Variants in KCNQ2 observed in about 807,000 individuals in gnomAD.
KCNQ2 encodes potassium voltage-gated channel subfamily KQT member 2.
Under a neutral mutation model 84.8 loss-of-function variants are expected in KCNQ2, and 14 were observed. The ratio of observed to expected loss-of-function variants is 0.17; its 90% CI spans 0.11 to 0.26. The LOEUF is 0.26. Ranked by LOEUF, KCNQ2 falls within the 10% of genes least tolerant of loss-of-function variation. The pLI is 1.00. For synonymous variants in KCNQ2, 599 were observed against 554.1 expected (o/e 1.08, Z -1.14); for missense variants, 788 against 1,254.0 (o/e 0.63, Z 5.61).
Position 63,414,780 on chromosome 20 carries a change from TA to T in KCNQ2, c.1525+122del, listed in dbSNP as rs1156722134. On this transcript the variant is annotated intron_variant, in intron 13 of 16. Transcript: ENST00000359125. This position sits in a 1 kb window ranked among gnomAD's most constrained non-coding sequence, Gnocchi z 6.6. The stretch of plus-strand genomic sequence containing the variant: ...AGTCTCACCTCAATTTTAGAAAGGA[TA>T]GGGGGTTCCCACTCCAAGAGCAAGC... 7 of 899,146 alleles carry T rather than the reference TA, an allele frequency of 7.8e-6. No homozygotes were observed. Among genetic ancestry groups the T allele is most frequent in the Non-Finnish European group, 1.3e-5 (7 of 543,298 alleles). The allele number at this position is 899,146 out of a possible 1,614,324, so 55.7% of individuals were successfully genotyped here. A position where few individuals can be genotyped will look rare whatever the true frequency, so the allele number is the denominator to read the frequency against.
rs774512947 is a variant in KCNQ2 at position 63,419,663 on chromosome 20, G to A, written c.1257C>T (p.Ser419=). 3.1e-6 allele frequency: 5 copies of A among 1,610,924 alleles called. No homozygotes were observed. The East Asian group carries it at 6.7e-5, about 22-fold the overall frequency. ...PPPEPSPSKG[S]PCRGPLCGCC... ...ATCCACACAGGGGCCCTCTGCACGG[G>A]CTGCCTTTACTGGAAATGAGGAGAG... Residue 419 remains serine, a synonymous_variant, in exon 12 of 17, where the codon AGC becomes AGT. Coordinates refer to ENST00000359125, the MANE Select transcript of KCNQ2 (RefSeq NM_172107.4).
At chr20:63,413,016 T>G (rs3787131) in intron 15 of KCNQ2, among the ~76,000 whole-genome samples, 50,776 of 151,900 alleles carry the variant, frequency 0.33, 9,480 homozygotes, top group Non-Finnish European at 0.44. Flanking sequence ...CAGCTTCATG[T>G]CTGAACAGAA....
chr20:63,470,346 C>T (rs1221729498), intron 1 of KCNQ2, among the ~76,000 whole-genome samples: 2 of 152,202 alleles, frequency 1.3e-5, no homozygotes, highest in African/African-American at 2.4e-5. Flanking sequence ...GCCTGAAGCC[C>T]CCGCATGCTG....
chr20:63,469,163 C>T (rs1044003710), intron 1 of KCNQ2, among the ~76,000 whole-genome samples: 1 of 152,220 alleles, frequency 6.6e-6, no homozygotes, highest in East Asian at 1.9e-4. Context: ...CTCCGAAGGG[C>T]CCCCCATGGT....
chr20:63,412,500 C>T (rs1296937607), intron 15 of KCNQ2, among the ~76,000 whole-genome samples: 1 of 152,196 alleles, frequency 6.6e-6, no homozygotes. Context: ...AAGGGGATGG[C>T]TCAGTGGCCC....
chr20:63,424,229 G>A (rs2080561875), intron 10 of KCNQ2, 23 bp from the exon 11 acceptor site: 1 of 1,552,772 alleles, frequency 6.4e-7, no homozygotes, highest in Non-Finnish European at 8.7e-7. Flanking sequence ...GCAACAGAGA[G>A]TTAGTGGCCG....
At chr20:63,440,939 C>G (rs1375106661) in intron 5 of KCNQ2, among the ~76,000 whole-genome samples, 2 of 151,162 alleles carry the variant, frequency 1.3e-5, no homozygotes. Flanking sequence ...TACACAATTT[C>G]GTTACCAAAG....
chr20:63,413,251 G>A (rs1402769504), intron 15 of KCNQ2, 199 bp downstream of exon 15: 1 of 627,162 alleles, frequency 1.6e-6, no homozygotes, highest in Non-Finnish European at 2.9e-6. Context: ...CGGTGTGGAT[G>A]GGGGAGAGAT....
chr20:63,415,946 G>T (rs187565572), intron 12 of KCNQ2, among the ~76,000 whole-genome samples: 28 of 152,288 alleles, frequency 1.8e-4, no homozygotes, highest in African/African-American at 5.5e-4. Context: ...GGCCAAGTCT[G>T]CGGTGGACCC....
intron 1 of KCNQ2, among the ~76,000 whole-genome samples, chr20:63,468,238 A>C (rs779974229): frequency 1.1e-3 from 171 of 152,314 alleles, no homozygotes; most frequent in Non-Finnish European, 2.0e-3. Flanking sequence ...TTTCCTACAC[A>C]GGAGGCTGTG....
chr20:63,465,858 C>T (rs774394711), intron 1 of KCNQ2, among the ~76,000 whole-genome samples: 3 of 152,306 alleles, frequency 2.0e-5, no homozygotes, highest in African/African-American at 7.2e-5. Flanking sequence ...CGGGCACCGC[C>T]GTTTCCGCTC....
rs561574012 is a variant in KCNQ2 at position 63,425,434 on chromosome 20, C to T, written c.1218-1228G>A. Among the ~76,000 whole-genome samples the T allele has an allele frequency of 2.0e-5, 3 of 152,110 alleles. No homozygotes were observed. The highest frequency in any genetic ancestry group is 2.9e-5 in the Non-Finnish European group (2 of 68,030). On this transcript the variant is annotated intron_variant, in intron 10 of 16. Coordinates refer to ENST00000359125, the MANE Select transcript of KCNQ2 (RefSeq NM_172107.4). The surrounding 1 kb of genome is among the most constrained non-coding windows in gnomAD (Gnocchi z 5.5). ...TCCAAAACCTCATCGAAATCCCATC[C>T]GTTGGCCAGGCACAGTGGCTCACAC...
chr20:63,436,172 G>A (rs2080995906), intron 7 of KCNQ2, among the ~76,000 whole-genome samples: 2 of 152,172 alleles, frequency 1.3e-5, no homozygotes, highest in South Asian at 2.1e-4. Flanking sequence ...ATCGCATGCT[G>A]CAGAGAAATC....
chr20:63,455,384 CA>C (rs1263776809), intron 1 of KCNQ2, among the ~76,000 whole-genome samples: 2 of 152,090 alleles, frequency 1.3e-5, no homozygotes, highest in Non-Finnish European at 2.9e-5. Flanking sequence ...AGCAGAGGGG[CA>C]GGGGGACACC....
intron 1 of KCNQ2, chr20:63,459,455 T>G (rs541916464): frequency 5.9e-5 from 9 of 152,230 alleles, no homozygotes; most frequent in African/African-American, 2.2e-4. Flanking sequence ...CAGGCTGCAG[T>G]GAGCTGTGAT....
At chr20:63,454,291 C>T (rs1425201370) in intron 1 of KCNQ2, among the ~76,000 whole-genome samples, 1 of 152,198 alleles carries the variant, frequency 6.6e-6, no homozygotes, top group Non-Finnish European at 1.5e-5. Context: ...CCCCTCCTGC[C>T]ACAGCCCCAC....
At chr20:63,455,300 C>T (rs1282120024) in intron 1 of KCNQ2, among the ~76,000 whole-genome samples, 1 of 152,218 alleles carries the variant, frequency 6.6e-6, no homozygotes, top group Non-Finnish European at 1.5e-5. Flanking sequence ...AGTAGCTGGT[C>T]CCCAGCCCCA....
chr20:63,442,652 AC>A, intron 4 of KCNQ2, 121 bp from the exon 5 acceptor site: 3 of 403,066 alleles, frequency 7.4e-6, no homozygotes, highest in Admixed American at 4.4e-5. Context: ...CAAAACCATC[AC>A]CACCACCATC....
At position 63,472,311 on chromosome 20, in the gene KCNQ2, G is replaced by T; in HGVS notation, c.153C>A (p.Gly51=). 1 of 1,538,760 alleles carries T rather than the reference G, an allele frequency of 6.5e-7. No individual in the cohort carries two copies. The highest frequency in any genetic ancestry group is 8.8e-7 in the Non-Finnish European group (1 of 1,142,806). The stretch of plus-strand genomic sequence containing the variant: ...CCGCGCGAGGTTTGCTGAGGATGCT[G>T]CCGCGCTTGGGGGCCTCGGAGCCGG... The part of the protein sequence containing the change: ...LIAGSEAPKR[G]SILSKPRAGG... The change falls in exon 1 of 17, where the codon GGC becomes GGA. Residue 51 remains glycine (G), a synonymous_variant. Transcript: ENST00000359125.
Sources: gnomAD v4.1 joint callset for allele counts (sites outside exome capture counted in the v4.1 genomes callset) on GRCh38, gnomAD v4.1.1 for gene constraint, Gnocchi (gnomAD v3.1) non-coding constraint, MANE v1.5 for transcripts, NCBI Gene and HGNC (gene_info 2026-07-23, HGNC 2026-07-21) for gene names.